SLC39A11: variants seen among roughly 807,000 people sequenced by gnomAD.
SLC39A11 encodes zinc transporter ZIP11.
Under a neutral mutation model 36.1 loss-of-function variants are expected in SLC39A11, and 33 were observed. The ratio of observed to expected loss-of-function variants is 0.91; its 90% CI spans 0.69 to 1.22. The LOEUF is 1.22. SLC39A11 is among the 50% of genes most tolerant of loss of function. SLC39A11 has a pLI of 0.00. For missense variants in SLC39A11, 432 were observed against 430.3 expected, an observed-to-expected ratio of 1.00 and a Z score of -0.03; for synonymous variants, 166 against 170.3, an observed-to-expected ratio of 0.97 and a Z score of 0.20.
At chr17:72,879,951 C>T (rs996499323) in intron 5 of SLC39A11, among the ~76,000 whole-genome samples, 3 of 152,238 alleles carry the variant, frequency 2.0e-5, no homozygotes, top group Non-Finnish European at 2.9e-5. Context: ...GTGACCCCCA[C>T]ATTTTACCCC....
chr17:72,774,476 G>C (rs1262059834), intron 6 of SLC39A11, among the ~76,000 whole-genome samples: 1 of 152,202 alleles, frequency 6.6e-6, no homozygotes, highest in Non-Finnish European at 1.5e-5. Context: ...TTACAAAACA[G>C]TAGCTCCAGA....
chr17:72,911,343 C>G (rs531870499), intron 5 of SLC39A11, among the ~76,000 whole-genome samples: 37 of 151,938 alleles, frequency 2.4e-4, no homozygotes, highest in African/African-American at 8.5e-4. Flanking sequence ...GTGCAGCACA[C>G]CAACACGGCA....
chr17:73,070,501 C>T (rs2060130375), intron 3 of SLC39A11, among the ~76,000 whole-genome samples: 2 of 152,166 alleles, frequency 1.3e-5, no homozygotes, highest in African/African-American at 4.8e-5. Flanking sequence ...TACATGGAGC[C>T]TTTGAAGGGA....
intron 4 of SLC39A11, among the ~76,000 whole-genome samples, chr17:72,979,332 G>T (rs542645765): frequency 2.0e-5 from 3 of 146,816 alleles, no homozygotes; most frequent in Admixed American, 6.9e-5. Context: ...GTCTTGGGCA[G>T]TTCTTTATAA....
intron 7 of SLC39A11, among the ~76,000 whole-genome samples, chr17:72,661,093 C>T (rs1015815248): frequency 1.3e-5 from 2 of 152,324 alleles, no homozygotes; most frequent in South Asian, 2.1e-4. Flanking sequence ...GGGAACTTAG[C>T]TATGGCACGA....
At chr17:72,852,227 A>AAAAAAAAAAAAAAAAAAAAG (rs2079383149) in intron 5 of SLC39A11, among the ~76,000 whole-genome samples, 1 of 142,500 alleles carries the variant, frequency 7.0e-6, no homozygotes, top group Non-Finnish European at 1.5e-5. Context: ...AAAAAAAAAA[A>AAAAAAAAAAAAAAAAAAAAG]ACAGAAAGAA....
chr17:72,878,248 G>C (rs577431382), intron 5 of SLC39A11, among the ~76,000 whole-genome samples: 1 of 152,040 alleles, frequency 6.6e-6, no homozygotes, highest in Non-Finnish European at 1.5e-5. Flanking sequence ...AGGGCAGTCC[G>C]TCCCTAGAGG....
chr17:72,809,811 T>C (rs1439239133), intron 6 of SLC39A11, among the ~76,000 whole-genome samples: 2 of 152,188 alleles, frequency 1.3e-5, no homozygotes, highest in Admixed American at 1.3e-4. Flanking sequence ...GGCTCACACC[T>C]GTAATCCCAG....
intron 4 of SLC39A11, among the ~76,000 whole-genome samples, chr17:73,025,343 G>A (rs899578518): frequency 6.6e-6 from 1 of 152,122 alleles, no homozygotes; most frequent in African/African-American, 2.4e-5. Flanking sequence ...ACATCTCCCA[G>A]GAAAAAGTCT....
At chr17:72,873,157 C>T (rs1039251294) in intron 5 of SLC39A11, among the ~76,000 whole-genome samples, 8 of 151,738 alleles carry the variant, frequency 5.3e-5, no homozygotes, top group African/African-American at 1.5e-4. Context: ...TTCTTAACAT[C>T]GCTATTATAA....
chr17:72,738,441 T>C (rs947060936), intron 6 of SLC39A11, among the ~76,000 whole-genome samples: 1 of 152,104 alleles, frequency 6.6e-6, no homozygotes, highest in Non-Finnish European at 1.5e-5. Context: ...CTAGACAAGA[T>C]GGGTTTTCAC....
chr17:72,936,411 TAAAAAAAAAA>T (rs746428868), intron 5 of SLC39A11, among the ~76,000 whole-genome samples: 66 of 73,464 alleles, frequency 9.0e-4, no homozygotes, highest in African/African-American at 2.0e-3. Flanking sequence ...TGAAAAAAAG[TAAAAAAAAAA>T]AAAAAAAAAA....
intron 5 of SLC39A11, among the ~76,000 whole-genome samples, chr17:72,863,759 T>C (rs544697548): frequency 1.1e-4 from 16 of 152,320 alleles, no homozygotes; most frequent in Admixed American, 5.2e-4. Flanking sequence ...CCTGCTGCCA[T>C]GGCAACGCAC....
intron 1 of SLC39A11, among the ~76,000 whole-genome samples, chr17:73,091,047 C>T (rs1010796126): frequency 6.6e-6 from 1 of 152,182 alleles, no homozygotes; most frequent in African/African-American, 2.4e-5. Context: ...GGTCTCACCC[C>T]AGACTTTCTG....
intron 6 of SLC39A11, among the ~76,000 whole-genome samples, chr17:72,738,491 C>T (rs1039789882): frequency 4.6e-5 from 7 of 152,064 alleles, no homozygotes; most frequent in African/African-American, 1.7e-4. Context: ...AGTTCACCAC[C>T]CACTCGCCTA....
At chr17:72,768,510 AG>A (rs1377588326) in intron 6 of SLC39A11, among the ~76,000 whole-genome samples, 1 of 152,184 alleles carries the variant, frequency 6.6e-6, no homozygotes, top group East Asian at 1.9e-4. Context: ...GTAGCCTCCC[AG>A]AAGCTGACCC....
chr17:72,882,218 T>C (rs929967458), intron 5 of SLC39A11, among the ~76,000 whole-genome samples: 1 of 152,154 alleles, frequency 6.6e-6, no homozygotes, highest in East Asian at 1.9e-4. Context: ...TAGCCAGGCA[T>C]GGTGGTGCAC....
chr17:72,758,413 A>G (rs145705305), intron 6 of SLC39A11, among the ~76,000 whole-genome samples: 3,620 of 152,344 alleles, frequency 0.024, 83 homozygotes, highest in Admixed American at 0.073. Flanking sequence ...CCGTTTTAAC[A>G]GAATTCTCAT....
At chr17:72,730,670 T>C (rs1420303719) in intron 7 of SLC39A11, among the ~76,000 whole-genome samples, 1 of 152,174 alleles carries the variant, frequency 6.6e-6, no homozygotes, top group Non-Finnish European at 1.5e-5. Flanking sequence ...AGCATATTAT[T>C]ATTTTTTGAG....
Sources: gnomAD v4.1 joint callset for allele counts (sites outside exome capture counted in the v4.1 genomes callset) on GRCh38, gnomAD v4.1.1 for gene constraint, MANE v1.5 for transcripts, NCBI Gene and HGNC (gene_info 2026-07-23, HGNC 2026-07-21) for gene names.